NAV2: variants seen among roughly 807,000 people sequenced by gnomAD.
NAV2 encodes neuron navigator 2, also known as helicase, APC down-regulated 1.
Under a neutral mutation model 223.2 loss-of-function variants are expected in NAV2, and 54 were observed. The ratio of observed to expected loss-of-function variants is 0.24; its 90% CI spans 0.19 to 0.30. The LOEUF (loss-of-function observed/expected upper bound fraction) is 0.30. NAV2 is among the 10% of genes least tolerant of loss of function. The probability of loss-of-function intolerance (pLI) is 1.00; values close to 1 mark genes in which losing one functional copy is unlikely to be tolerated. For missense variants in NAV2, 2,806 were observed against 3,147.5 expected (o/e 0.89, Z 2.60); for synonymous variants, 1,279 against 1,239.3 (o/e 1.03, Z -0.67).
chr11:19,409,836 A>C (rs1288171705), intron 1 of NAV2, among the ~76,000 whole-genome samples: 1 of 152,090 alleles, frequency 6.6e-6, no homozygotes, highest in East Asian at 1.9e-4. Context: ...TGGTATTTGA[A>C]CCCAGGTCTT....
At chr11:19,641,284 C>CTA (rs1051765751) in intron 1 of NAV2, among the ~76,000 whole-genome samples, 3 of 152,248 alleles carry the variant, frequency 2.0e-5, no homozygotes, top group African/African-American at 7.2e-5. Flanking sequence ...TTCCCTTACC[C>CTA]TCTATATTCA....
intron 1 of NAV2, among the ~76,000 whole-genome samples, chr11:19,548,522 C>G (rs1236559782): frequency 6.6e-6 from 1 of 152,098 alleles, no homozygotes; most frequent in African/African-American, 2.4e-5. Flanking sequence ...AGCCCACAAC[C>G]AAAGCGTGTG....
In NAV2 at chr11:19,751,069, A is replaced by C. The variant is rs573311688; in HGVS notation, c.267+37107A>C. Among the ~76,000 whole-genome samples the C allele has an allele frequency of 3.9e-5, 6 of 152,312 alleles. No homozygotes were observed. In the East Asian group the frequency reaches 1.2e-3, roughly 29 times the overall value. On this transcript the variant is annotated intron_variant, in intron 1 of 37. Transcript: ENST00000349880. The stretch of plus-strand genomic sequence containing the variant: ...AGTGACATCATGTTGCTAGCTAAAA[A>C]TAGACTATAGCAAGAGTATTTACAC...
At chr11:19,351,065 T>C in intron 1 of NAV2, 6 of 1,280,964 alleles carry the variant, frequency 4.7e-6, no homozygotes. Flanking sequence ...TGGATTATGG[T>C]GCTGATTGCT....
chr11:19,502,070 A>G (rs921503065), intron 1 of NAV2, among the ~76,000 whole-genome samples: 1 of 152,212 alleles, frequency 6.6e-6, no homozygotes, highest in African/African-American at 2.4e-5. Context: ...TGAGCCACAC[A>G]TAGTGGCCAT....
intron 1 of NAV2, among the ~76,000 whole-genome samples, chr11:19,534,618 A>T (rs962385607): frequency 3.9e-5 from 6 of 152,248 alleles, no homozygotes; most frequent in African/African-American, 1.4e-4. Flanking sequence ...ATGCAAGAAG[A>T]TACAGGGGAT....
intron 1 of NAV2, among the ~76,000 whole-genome samples, chr11:19,696,880 T>C (rs1195799129): frequency 6.6e-6 from 1 of 152,172 alleles, no homozygotes; most frequent in Non-Finnish European, 1.5e-5. Context: ...TTCTTATAAG[T>C]AGTGTTAAGA....
chr11:20,077,720 TG>T, intron 23 of NAV2, 85 bp downstream of exon 23: 2 of 1,108,106 alleles, frequency 1.8e-6, no homozygotes, highest in Non-Finnish European at 2.7e-6. Flanking sequence ...CAGATCATTG[TG>T]TGGATGTTAA....
chr11:19,975,033 A>G (rs2153434767), intron 10 of NAV2, among the ~76,000 whole-genome samples: 1 of 152,324 alleles, frequency 6.6e-6, no homozygotes, highest in Middle Eastern at 3.4e-3. Context: ...TCCTTTCACC[A>G]TCTGTTTCAT....
chr11:19,371,059 A>G (rs1365643146), intron 1 of NAV2, among the ~76,000 whole-genome samples: 4 of 152,210 alleles, frequency 2.6e-5, no homozygotes, highest in African/African-American at 9.6e-5. Context: ...ACTTAATGTC[A>G]CACAGCAGCA....
chr11:19,466,646 C>A (rs1414661431), intron 1 of NAV2, among the ~76,000 whole-genome samples: 1 of 152,176 alleles, frequency 6.6e-6, no homozygotes, highest in Non-Finnish European at 1.5e-5. Context: ...AAGGAAGGAG[C>A]CACACACGAG....
intron 1 of NAV2, among the ~76,000 whole-genome samples, chr11:19,575,114 G>A (rs1000615788): frequency 6.6e-6 from 1 of 152,218 alleles, no homozygotes; most frequent in Non-Finnish European, 1.5e-5. Flanking sequence ...GGTGCTGCCA[G>A]GATGTTCTTT....
chr11:19,508,198 C>G (rs1207975554), intron 1 of NAV2, among the ~76,000 whole-genome samples: 1 of 152,118 alleles, frequency 6.6e-6, no homozygotes, highest in African/African-American at 2.4e-5. Flanking sequence ...CCTTCTCTTC[C>G]TGAGGCTGTC....
intron 1 of NAV2, among the ~76,000 whole-genome samples, chr11:19,667,071 T>C (rs1484085477): frequency 6.6e-6 from 1 of 151,742 alleles, no homozygotes; most frequent in Non-Finnish European, 1.5e-5. Flanking sequence ...AGCCCCTCTC[T>C]GTATGTTCCC....
chr11:20,112,597 G>A (rs1048247154), intron 36 of NAV2, among the ~76,000 whole-genome samples: 3 of 152,194 alleles, frequency 2.0e-5, no homozygotes, highest in African/African-American at 7.2e-5. Context: ...CTGATATCTG[G>A]CCAACAGCCT....
chr11:19,897,565 A>G lies in NAV2; in HGVS notation c.931+4971A>G, dbSNP rs146655297. Among the ~76,000 whole-genome samples, 264 of 152,258 alleles carry G rather than the reference A, an allele frequency of 1.7e-3. 1 individual carries two copies. In the East Asian group the frequency reaches 0.032, roughly 19 times the overall value. ...GAGACATGAAGCTAAAGAAAAAGTG[A>G]TAGTATATAATACTTCTTAGCTAGA... On this transcript the variant is annotated intron_variant, in intron 6 of 37. Coordinates refer to ENST00000349880, the MANE Select transcript of NAV2 (RefSeq NM_145117.5).
chr11:19,489,809 T>G (rs1348302641), intron 1 of NAV2, among the ~76,000 whole-genome samples: 2 of 152,198 alleles, frequency 1.3e-5, no homozygotes, highest in Admixed American at 1.3e-4. Flanking sequence ...TGACTTCCAC[T>G]GCTCCATGAG....
chr11:20,037,164 C>G (rs566547258), intron 12 of NAV2, among the ~76,000 whole-genome samples: 2 of 152,044 alleles, frequency 1.3e-5, no homozygotes, highest in Non-Finnish European at 2.9e-5. Context: ...CCCTCCCCAC[C>G]CCCCATCTTT....
chr11:20,047,838 T>G (rs900013670), intron 14 of NAV2, among the ~76,000 whole-genome samples: 3 of 152,244 alleles, frequency 2.0e-5, no homozygotes, highest in Admixed American at 6.5e-5. Flanking sequence ...GTTTTGTCAC[T>G]TGTGAGATAC....
Sources: gnomAD v4.1 joint callset for allele counts (sites outside exome capture counted in the v4.1 genomes callset) on GRCh38, gnomAD v4.1.1 for gene constraint, MANE v1.5 for transcripts, NCBI Gene and HGNC (gene_info 2026-07-23, HGNC 2026-07-21) for gene names.